KDM4C: variants seen among roughly 807,000 people sequenced by gnomAD.
The protein encoded by KDM4C is lysine demethylase 4C, also known as lysine-specific demethylase 4C.
KDM4C carries 81 observed loss-of-function variants against 129.3 expected under a neutral mutation model. The observed-to-expected ratio is 0.63, with a 90% CI of 0.52 to 0.75. The LOEUF is 0.75. Ranked by LOEUF, KDM4C falls within the 30% of genes least tolerant of loss-of-function variation. KDM4C has a pLI of 0.00. For missense variants in KDM4C, 1,457 were observed against 1,304.0 expected, an observed-to-expected ratio of 1.12 and a Z score of -1.81; for synonymous variants, 573 against 456.1, an observed-to-expected ratio of 1.26 and a Z score of -3.26.
At chr9:6,733,400 G>A (rs1817414987) in intron 1 of KDM4C, among the ~76,000 whole-genome samples, 1 of 152,200 alleles carries the variant, frequency 6.6e-6, no homozygotes, top group South Asian at 2.1e-4. Context: ...TCTAAGTAGT[G>A]ATTCCTGCTA....
intron 21 of KDM4C, among the ~76,000 whole-genome samples, chr9:7,173,484 T>C (rs1030879217): frequency 6.6e-6 from 1 of 152,198 alleles, no homozygotes; most frequent in Non-Finnish European, 1.5e-5. Context: ...TAGAGTCTTA[T>C]AATAAGAGGG....
intron 1 of KDM4C, among the ~76,000 whole-genome samples, chr9:6,783,021 G>A (rs1824700621): frequency 1.3e-5 from 2 of 152,188 alleles, no homozygotes; most frequent in South Asian, 4.1e-4. Context: ...GGCTTGGGAA[G>A]GCTCTTGGGA....
At chr9:7,158,889 A>C (rs1192999228) in intron 19 of KDM4C, among the ~76,000 whole-genome samples, 1 of 152,070 alleles carries the variant, frequency 6.6e-6, no homozygotes, top group Non-Finnish European at 1.5e-5. Flanking sequence ...CAAGTCCTGG[A>C]TATCCTTGTT....
At chr9:7,153,678 C>T (rs1349569617) in intron 19 of KDM4C, among the ~76,000 whole-genome samples, 1 of 152,122 alleles carries the variant, frequency 6.6e-6, no homozygotes, top group African/African-American at 2.4e-5. Context: ...TGCAAACTAG[C>T]GGTTACTTAT....
chr9:6,937,479 G>T (rs917801176), intron 8 of KDM4C, among the ~76,000 whole-genome samples: 54 of 152,024 alleles, frequency 3.6e-4, no homozygotes, highest in Non-Finnish European at 2.5e-4. Flanking sequence ...CTTCCTATGT[G>T]TAATATAGTA....
At chr9:6,820,159 G>C (rs1020556512) in intron 4 of KDM4C, among the ~76,000 whole-genome samples, 1 of 152,140 alleles carries the variant, frequency 6.6e-6, no homozygotes, top group Admixed American at 6.5e-5. Context: ...GGTGCAGTGG[G>C]CTTGACTCTT....
chr9:7,118,236 A>G (rs1357141564), intron 18 of KDM4C, among the ~76,000 whole-genome samples: 1 of 152,258 alleles, frequency 6.6e-6, no homozygotes, highest in African/African-American at 2.4e-5. Context: ...CCACTGTATT[A>G]TATGTTTGTA....
chr9:6,758,234 G>A lies in KDM4C; in HGVS notation c.-18+31G>A, dbSNP rs1285748738. The A allele has an allele frequency of 2.0e-6, 2 of 982,788 alleles. No individual in the cohort carries two copies. Among genetic ancestry groups the A allele is most frequent in the African/African-American group, 3.5e-5 (2 of 57,186 alleles). The allele number at this position is 982,788 out of a possible 1,614,324, so 60.9% of individuals were successfully genotyped here. On this transcript the variant is annotated intron_variant, in intron 1 of 21. Transcript: ENST00000381309. This position sits in a 1 kb window ranked among gnomAD's most constrained non-coding sequence, Gnocchi z 4.6. Reference sequence around the variant, plus strand: ...CGCTTTTCCGGAGTCTGGGGGCCAGGGCGGGGGGAGGGTCCGGAGAGGTCT... The same window carrying A: ...CGCTTTTCCGGAGTCTGGGGGCCAGAGCGGGGGGAGGGTCCGGAGAGGTCT...
chr9:6,935,357 A>G (rs558015816), intron 8 of KDM4C, among the ~76,000 whole-genome samples: 55 of 152,088 alleles, frequency 3.6e-4, no homozygotes, highest in African/African-American at 1.2e-3. Context: ...TTTTTATTCA[A>G]TTTTTATATC....
intron 12 of KDM4C, among the ~76,000 whole-genome samples, chr9:7,005,348 T>C (rs897446576): frequency 4.7e-5 from 7 of 149,870 alleles, no homozygotes; most frequent in African/African-American, 1.7e-4. Context: ...GGCAGGAGAA[T>C]CGCTTGAACC....
chr9:6,756,392 A>T (rs1818282177), upstream of KDM4C, among the ~76,000 whole-genome samples: 1 of 152,222 alleles, frequency 6.6e-6, no homozygotes, highest in Non-Finnish European at 1.5e-5. Flanking sequence ...CATTTGGAAA[A>T]TTCCCAGTTG....
chr9:6,784,910 C>CT (rs1490771693), intron 1 of KDM4C, among the ~76,000 whole-genome samples: 1 of 152,196 alleles, frequency 6.6e-6, no homozygotes, highest in African/African-American at 2.4e-5. Context: ...TGCGACTTCC[C>CT]TTTTCCTCCC....
chr9:6,796,857 G>A (rs1827845583), intron 2 of KDM4C, among the ~76,000 whole-genome samples: 1 of 152,166 alleles, frequency 6.6e-6, no homozygotes, highest in Non-Finnish European at 1.5e-5. Flanking sequence ...GGAAGTTGCA[G>A]TAGTAGCATA....
At chr9:6,799,590 G>A (rs1828521508) in intron 2 of KDM4C, among the ~76,000 whole-genome samples, 1 of 137,100 alleles carries the variant, frequency 7.3e-6, no homozygotes, top group African/African-American at 2.5e-5. Flanking sequence ...GAGGGAGACC[G>A]TGGAAAGGGG....
chr9:6,799,604 C>T lies in KDM4C; in HGVS notation c.145-5995C>T, dbSNP rs1376345527. ...AGAGGGAGACCGTGGAAAGGGGAGA[C>T]GGGAGACGGGAGACGGGAGAGGGCT... On this transcript the variant is annotated intron_variant, in intron 2 of 21. Transcript: ENST00000381309. Among the ~76,000 whole-genome samples, 4 of 147,056 alleles carry T rather than the reference C, an allele frequency of 2.7e-5. No homozygotes were observed. The East Asian group carries it at 7.9e-4, about 29-fold the overall frequency.
At chr9:6,782,433 T>C (rs775061945) in intron 1 of KDM4C, among the ~76,000 whole-genome samples, 1 of 152,206 alleles carries the variant, frequency 6.6e-6, no homozygotes, top group Non-Finnish European at 1.5e-5. Context: ...TTTTATTCTC[T>C]GTCATTAGTG....
At chr9:6,741,703 G>T (rs1430445458) in intron 1 of KDM4C, among the ~76,000 whole-genome samples, 2 of 112,212 alleles carry the variant, frequency 1.8e-5, no homozygotes, top group African/African-American at 3.6e-5. Context: ...TTGTCTTTTG[G>T]TGACACTTTT....
At chr9:6,807,342 C>T (rs1830191753) in intron 3 of KDM4C, among the ~76,000 whole-genome samples, 1 of 148,742 alleles carries the variant, frequency 6.7e-6, no homozygotes, top group African/African-American at 2.5e-5. Context: ...CCTGGCCGCC[C>T]ATCGTCTGGG....
rs1476337275 is a variant in KDM4C at position 7,076,439 on chromosome 9, G to A, written c.2424+27239G>A. On this transcript the variant is annotated intron_variant, in intron 17 of 21. Coordinates refer to ENST00000381309, the MANE Select transcript of KDM4C (RefSeq NM_015061.6). ...ATTTGCATTGTGTTTTTCAGGGAAGGCTGGGAATCTAGACACAGCAACAGT... is the reference window on the plus strand; with the variant it reads ...ATTTGCATTGTGTTTTTCAGGGAAGACTGGGAATCTAGACACAGCAACAGT... The A allele has an allele frequency of 2.6e-6, 4 of 1,549,234 alleles. No homozygotes were observed. The Admixed American group carries it at 5.9e-5, about 23-fold the overall frequency.
Sources: allele counts gnomAD v4.1 joint callset (sites outside exome capture counted in the v4.1 genomes callset), GRCh38; gene constraint gnomAD v4.1.1; non-coding constraint Gnocchi (gnomAD v3.1); transcripts MANE v1.5; gene names NCBI Gene and HGNC (gene_info 2026-07-23, HGNC 2026-07-21).